Variants in MTF2 observed in about 807,000 individuals in gnomAD.
MTF2 encodes metal-response element-binding transcription factor 2.
MTF2 carries 11 observed loss-of-function variants against 79.5 expected under a neutral mutation model. The observed-to-expected ratio is 0.14, with a 90% confidence interval of 0.09 to 0.23. The LOEUF (loss-of-function observed/expected upper bound fraction) is 0.23, where lower values mean the gene tolerates loss of function less well. Among genes scored for constraint, MTF2 ranks in the 10% least tolerant of loss-of-function variants. MTF2 has a pLI of 1.00. For synonymous variants in MTF2, 208 were observed against 232.8 expected (o/e 0.89, Z 0.97); for missense variants, 486 against 711.2 (o/e 0.68, Z 3.60).
Position 93,134,212 on chromosome 1 carries a change from C to A in MTF2, c.1424+17C>A. ...GCATTATGGGTAGATATTTTACATT[C>A]TTATTTTTTTTACTTTTTTTACTCT... is the stretch of plus-strand genomic sequence containing the variant. On this transcript the variant is annotated intron_variant, in intron 14 of 14. Coordinates refer to ENST00000370298, the MANE Select transcript of MTF2 (RefSeq NM_007358.4). 1 of 1,538,400 alleles carries A rather than the reference C, an allele frequency of 6.5e-7. No individual in the cohort carries two copies. The highest frequency in any genetic ancestry group is 8.9e-7 in the Non-Finnish European group (1 of 1,125,864).
intron 1 of MTF2, among the ~76,000 whole-genome samples, chr1:93,079,989 G>C (rs573321812): frequency 1.3e-5 from 2 of 152,138 alleles, no homozygotes; most frequent in African/African-American, 4.8e-5. Flanking sequence ...GGAAGTAGCA[G>C]CTTGGAATCG....
At chr1:93,103,503 T>TAA (rs909477215) in intron 1 of MTF2, among the ~76,000 whole-genome samples, 1 of 151,578 alleles carries the variant, frequency 6.6e-6, no homozygotes, top group African/African-American at 2.4e-5. Flanking sequence ...ATAATATATA[T>TAA]AATGTCCTAT....
intron 1 of MTF2, among the ~76,000 whole-genome samples, chr1:93,103,735 A>G (rs894974156): frequency 6.6e-6 from 1 of 152,228 alleles, no homozygotes; most frequent in Admixed American, 6.5e-5. Context: ...GTCACATTCT[A>G]GCAAAGAGGG....
intron 3 of MTF2, among the ~76,000 whole-genome samples, chr1:93,111,068 A>G (rs867524783): frequency 6.6e-6 from 1 of 152,184 alleles, no homozygotes; most frequent in African/African-American, 2.4e-5. Flanking sequence ...CCATTTAGTT[A>G]TGGGTTTTTT....
At chr1:93,088,542 T>A (rs1273525336) in intron 1 of MTF2, among the ~76,000 whole-genome samples, 1 of 152,222 alleles carries the variant, frequency 6.6e-6, no homozygotes, top group Non-Finnish European at 1.5e-5. Context: ...TTGAAAATAC[T>A]TGATATATTA....
rs1032001408 is a variant in MTF2 at position 93,137,119 on chromosome 1, A to T, written c.*92A>T. On this transcript the variant is annotated 3_prime_UTR_variant, in exon 15 of 15. Coordinates refer to ENST00000370298, the MANE Select transcript of MTF2 (RefSeq NM_007358.4). ...GAGTCTGGCTTTTACTATCTTTCTTAAAAAAAAAAAAAAGTCAAAAAAATT... is the reference window on the plus strand; with the variant it reads ...GAGTCTGGCTTTTACTATCTTTCTTTAAAAAAAAAAAAAGTCAAAAAAATT... 74 of 312,516 alleles carry T rather than the reference A, an allele frequency of 2.4e-4. No homozygotes were observed. The highest frequency in any genetic ancestry group is 3.5e-4 in the Non-Finnish European group (70 of 201,668). 19.4% of individuals were successfully genotyped at this position (312,516 alleles called of 1,614,324 possible).
At chr1:93,080,045 G>A (rs1654536695) in intron 1 of MTF2, among the ~76,000 whole-genome samples, 2 of 152,096 alleles carry the variant, frequency 1.3e-5, no homozygotes, top group Admixed American at 1.3e-4. Flanking sequence ...TCGAGTGTAA[G>A]TGCTGGTAAG....
In MTF2 at chr1:93,133,985, A is replaced by G; in HGVS notation, c.1319+5A>G. 1 of 1,570,996 alleles carries G rather than the reference A, an allele frequency of 6.4e-7. No individual in the cohort carries two copies. The highest frequency in any genetic ancestry group is 8.7e-7 in the Non-Finnish European group (1 of 1,148,150). Reference sequence around the variant, plus strand: ...GGATTTACCTTGTTCTATAGGGTAAATAGAAAGTTATTTTCTCCCTTTCTA... The same window carrying G: ...GGATTTACCTTGTTCTATAGGGTAAGTAGAAAGTTATTTTCTCCCTTTCTA... On this transcript the variant is annotated splice_donor_5th_base_variant and intron_variant, in intron 13 of 14. Coordinates refer to ENST00000370298, the MANE Select transcript of MTF2 (RefSeq NM_007358.4).
chr1:93,105,458 A>G (rs902716420), intron 1 of MTF2, among the ~76,000 whole-genome samples: 2 of 152,186 alleles, frequency 1.3e-5, no homozygotes, highest in Admixed American at 1.3e-4. Flanking sequence ...TCTGGTTTGT[A>G]TCCTATAATA....
At chr1:93,079,576 G>A (rs1452804283) in intron 1 of MTF2, 45 bp downstream of exon 1, 3 of 1,611,570 alleles carry the variant, frequency 1.9e-6, no homozygotes, top group East Asian at 2.2e-5. Context: ...GAGGAGATGG[G>A]GGTTGGGGGA....
intron 1 of MTF2, among the ~76,000 whole-genome samples, chr1:93,087,464 C>T (rs1654893386): frequency 6.6e-6 from 1 of 151,648 alleles, no homozygotes; most frequent in African/African-American, 2.4e-5. Context: ...CCCAGCTACT[C>T]AGGAGGCTGA....
chr1:93,095,698 C>T (rs558870026), intron 1 of MTF2, among the ~76,000 whole-genome samples: 2 of 147,104 alleles, frequency 1.4e-5, no homozygotes, highest in Non-Finnish European at 1.5e-5. Flanking sequence ...CTCTGTCACC[C>T]AGGCTGGAGT....
intron 11 of MTF2, 112 bp from the exon 12 acceptor site, chr1:93,133,591 C>T: frequency 2.3e-6 from 1 of 429,194 alleles, no homozygotes; most frequent in South Asian, 9.0e-5. Flanking sequence ...CTTTTTATTA[C>T]CATTAATATA....
intron 1 of MTF2, among the ~76,000 whole-genome samples, chr1:93,108,909 A>G (rs908399280): frequency 1.3e-5 from 2 of 152,076 alleles, no homozygotes; most frequent in African/African-American, 4.8e-5. Context: ...ATATAAGTGG[A>G]ATAGTTGTCC....
intron 1 of MTF2, among the ~76,000 whole-genome samples, chr1:93,085,248 T>C (rs1654787768): frequency 6.6e-6 from 1 of 151,310 alleles, no homozygotes; most frequent in Non-Finnish European, 1.5e-5. Context: ...CCATCTCGGC[T>C]CAGTGCAAGC....
intron 1 of MTF2, among the ~76,000 whole-genome samples, chr1:93,093,998 T>C (rs1047690772): frequency 3.3e-5 from 5 of 152,230 alleles, no homozygotes; most frequent in African/African-American, 1.2e-4. Context: ...CTTGTAATAT[T>C]GCTATAATGA....
At chr1:93,092,591 T>C in intron 1 of MTF2, among the ~76,000 whole-genome samples, 1 of 152,170 alleles carries the variant, frequency 6.6e-6, no homozygotes, top group East Asian at 1.9e-4. Context: ...CAATTTTATA[T>C]ATTTTTTATA....
Position 93,079,425 on chromosome 1 carries a change from G to C in MTF2, c.-102G>C. ...GCATATGTGCCGGGTACCCGGTGGG[G>C]CGGGTGCCCAGTAAGTGCTCGGACT... On this transcript the variant is annotated 5_prime_UTR_variant, in exon 1 of 15. Transcript: ENST00000370298. The C allele has an allele frequency of 6.9e-7, 1 of 1,450,610 alleles. No homozygotes were observed. The highest frequency in any genetic ancestry group is 9.7e-7 in the Non-Finnish European group (1 of 1,035,408). 89.9% of individuals were successfully genotyped at this position (1,450,610 alleles called of 1,614,324 possible).
At chr1:93,086,184 TAGAA>T (rs1654826633) in intron 1 of MTF2, among the ~76,000 whole-genome samples, 1 of 152,076 alleles carries the variant, frequency 6.6e-6, no homozygotes, top group South Asian at 2.1e-4. Context: ...TGACTATGCT[TAGAA>T]GGAAGGATCA....
Sources: allele counts gnomAD v4.1 joint callset (sites outside exome capture counted in the v4.1 genomes callset), GRCh38; gene constraint gnomAD v4.1.1; transcripts MANE v1.5; gene names NCBI Gene and HGNC (gene_info 2026-07-23, HGNC 2026-07-21).